The following NDST4 variants were observed in gnomAD, a reference collection of about 807,000 sequenced individuals.
NDST4 encodes N-deacetylase and N-sulfotransferase 4, also known as N-heparan sulfate sulfotransferase 4.
A neutral mutation model predicts 100.8 loss-of-function variants in NDST4; 63 were observed. That is an observed-to-expected ratio of 0.62 (90% CI 0.51 to 0.77). The LOEUF (loss-of-function observed/expected upper bound fraction) is 0.77, where lower values mean the gene tolerates loss of function less well. Ranked by LOEUF, NDST4 falls within the 30% of genes least tolerant of loss-of-function variation. The pLI is 0.00. For missense variants in NDST4, 943 were observed against 1,018.4 expected (o/e 0.93, Z 1.01); for synonymous variants, 377 against 361.8 (o/e 1.04, Z -0.48).
At chr4:114,948,893 A>G (rs1378262077) in intron 4 of NDST4, among the ~76,000 whole-genome samples, 3 of 152,132 alleles carry the variant, frequency 2.0e-5, no homozygotes, top group Non-Finnish European at 4.4e-5. Flanking sequence ...AAAAATGCAA[A>G]AGAGAAAAGA....
chr4:115,041,060 A>C (rs534084303), intron 2 of NDST4, among the ~76,000 whole-genome samples: 90 of 152,174 alleles, frequency 5.9e-4, no homozygotes, highest in Non-Finnish European at 8.1e-4. Context: ...AAGGTATTCC[A>C]GCTATTAAAT....
Position 114,986,832 on chromosome 4 carries a change from A to ATATATTTTTT in NDST4, c.979-9559_979-9558insAAAAAATATA. Among the ~76,000 whole-genome samples, 186 of 94,624 alleles carry ATATATTTTTT rather than the reference A, an allele frequency of 2.0e-3. 5 individuals carry two copies. The highest frequency in any genetic ancestry group is 3.4e-3 in the African/African-American group (92 of 26,996). 62.1% of individuals were successfully genotyped at this position (94,624 alleles called of 152,430 possible). ...TATATATATATATATATATATATATATTTTAATATACTATTCCTATAAGCT... is the reference window on the plus strand; with the variant it reads ...TATATATATATATATATATATATATATATATTTTTTTTTTAATATACTATTCCTATAAGCT... On this transcript the variant is annotated intron_variant, in intron 2 of 13. Coordinates refer to ENST00000264363, the MANE Select transcript of NDST4 (RefSeq NM_022569.3).
rs771235560 is a variant in NDST4 at position 114,935,345 on chromosome 4, A to G, written c.1408-11T>C. The stretch of plus-strand genomic sequence containing the variant: ...CTGTCGAGGGAGGACCTGAGTAAAA[A>G]AGGGGAAAAACAGCACATGGACGTG... On this transcript the variant is annotated splice_polypyrimidine_tract_variant and intron_variant, in intron 5 of 13. Coordinates refer to ENST00000264363, the MANE Select transcript of NDST4 (RefSeq NM_022569.3). 3.8e-6 allele frequency: 6 copies of G among 1,559,960 alleles called. No homozygotes were observed. The highest frequency in any genetic ancestry group is 5.2e-6 in the Non-Finnish European group (6 of 1,153,912).
chr4:114,989,580 G>A (rs1726990892), intron 2 of NDST4, among the ~76,000 whole-genome samples: 1 of 152,108 alleles, frequency 6.6e-6, no homozygotes, highest in Non-Finnish European at 1.5e-5. Context: ...GGAGAGTTTT[G>A]AGCAGATACA....
At chr4:114,872,011 C>T (rs999757063) in intron 6 of NDST4, among the ~76,000 whole-genome samples, 1 of 151,704 alleles carries the variant, frequency 6.6e-6, no homozygotes, top group African/African-American at 2.4e-5. Context: ...TGTCTCATGG[C>T]TAATATTTGT....
At chr4:114,982,008 G>C (rs1016451655) in intron 2 of NDST4, among the ~76,000 whole-genome samples, 1 of 152,102 alleles carries the variant, frequency 6.6e-6, no homozygotes, top group Non-Finnish European at 1.5e-5. Context: ...TTGTTTCAAA[G>C]TGTGTGGCAC....
At chr4:114,843,385 C>T (rs1723473551) in intron 10 of NDST4, among the ~76,000 whole-genome samples, 1 of 152,126 alleles carries the variant, frequency 6.6e-6, no homozygotes, top group African/African-American at 2.4e-5. Context: ...TTTAACCTCT[C>T]TTTTTCTTTG....
chr4:115,055,220 G>C (rs1005053690), intron 2 of NDST4, among the ~76,000 whole-genome samples: 1 of 151,924 alleles, frequency 6.6e-6, no homozygotes, highest in Admixed American at 6.6e-5. Context: ...CAAGCTTAGG[G>C]CTCCCACTGA....
At chr4:114,913,550 T>C (rs567173521) in intron 6 of NDST4, among the ~76,000 whole-genome samples, 3 of 152,172 alleles carry the variant, frequency 2.0e-5, no homozygotes, top group African/African-American at 7.2e-5. Flanking sequence ...TTTTATAGAA[T>C]GAGATCATTG....
intron 2 of NDST4, among the ~76,000 whole-genome samples, chr4:115,056,553 G>T (rs377609890): frequency 5.9e-5 from 9 of 151,974 alleles, no homozygotes; most frequent in East Asian, 5.8e-4. Flanking sequence ...ATTGTGAAAG[G>T]CCATTTCATT....
intron 6 of NDST4, among the ~76,000 whole-genome samples, chr4:114,883,476 A>G (rs1724414417): frequency 6.6e-6 from 1 of 152,144 alleles, no homozygotes; most frequent in Admixed American, 6.6e-5. Context: ...TGCTAAAAGA[A>G]GAGATAAAAT....
chr4:114,956,286 G>C (rs1177062288), intron 4 of NDST4, among the ~76,000 whole-genome samples: 2 of 152,154 alleles, frequency 1.3e-5, no homozygotes, highest in Non-Finnish European at 2.9e-5. Context: ...CTCAGGGAGA[G>C]AGGCAGGTCT....
At chr4:115,035,943 G>A (rs1728223821) in intron 2 of NDST4, among the ~76,000 whole-genome samples, 1 of 151,962 alleles carries the variant, frequency 6.6e-6, no homozygotes. Context: ...GAAAGATAAT[G>A]AGAGCATAAC....
intron 2 of NDST4, among the ~76,000 whole-genome samples, chr4:115,033,287 G>C (rs1728162204): frequency 6.6e-6 from 1 of 150,610 alleles, no homozygotes; most frequent in African/African-American, 2.4e-5. Context: ...AGGACTAAAG[G>C]CTAATTTTTG....
intron 10 of NDST4, 64 bp downstream of exon 10, chr4:114,845,759 T>C: frequency 6.9e-7 from 1 of 1,453,198 alleles, no homozygotes; most frequent in Non-Finnish European, 9.4e-7. Flanking sequence ...ATTCTGGTTA[T>C]TTTTCATTGC....
At chr4:114,855,582 G>C (rs988897484) in intron 7 of NDST4, among the ~76,000 whole-genome samples, 3 of 151,652 alleles carry the variant, frequency 2.0e-5, no homozygotes, top group Non-Finnish European at 2.9e-5. Flanking sequence ...TGAGTTCACT[G>C]TAGAGGTATG....
intron 1 of NDST4, among the ~76,000 whole-genome samples, chr4:115,104,012 C>T (rs979561554): frequency 6.6e-6 from 1 of 152,126 alleles, no homozygotes; most frequent in East Asian, 1.9e-4. Flanking sequence ...GAATACTAGA[C>T]ATCGTACCAA....
At chr4:115,098,755 C>T (rs1729671571) in intron 1 of NDST4, among the ~76,000 whole-genome samples, 1 of 152,166 alleles carries the variant, frequency 6.6e-6, no homozygotes, top group South Asian at 2.1e-4. Flanking sequence ...AGTGCAGTGG[C>T]ATGATCACAG....
intron 1 of NDST4, among the ~76,000 whole-genome samples, chr4:115,105,582 T>C (rs566216857): frequency 1.3e-5 from 2 of 152,252 alleles, no homozygotes; most frequent in Non-Finnish European, 2.9e-5. Flanking sequence ...AAAACCTTTG[T>C]CCATACTTCT....
Sources: allele counts gnomAD v4.1 joint callset (sites outside exome capture counted in the v4.1 genomes callset), GRCh38; gene constraint gnomAD v4.1.1; transcripts MANE v1.5; gene names NCBI Gene and HGNC (gene_info 2026-07-23, HGNC 2026-07-21).